The following PRKACB variants were observed in gnomAD, a reference collection of about 807,000 sequenced individuals.
PRKACB encodes the protein cAMP-dependent protein kinase catalytic subunit beta.
In PRKACB, 16 loss-of-function variants were observed where a neutral mutation model predicts 51.4. The ratio of observed to expected loss-of-function variants is 0.31; its 90% CI spans 0.21 to 0.47. The LOEUF is 0.47. Ranked by LOEUF, PRKACB falls within the 20% of genes least tolerant of loss-of-function variation. The probability of loss-of-function intolerance (pLI) is 1.00; values close to 1 mark genes in which losing one functional copy is unlikely to be tolerated. For missense variants in PRKACB, 309 were observed against 464.5 expected (o/e 0.67, Z 3.08); for synonymous variants, 147 against 154.4 (o/e 0.95, Z 0.35).
intron 8 of PRKACB, among the ~76,000 whole-genome samples, chr1:84,211,127 T>TCACACA (rs3051185): frequency 1.1e-4 from 16 of 148,832 alleles, no homozygotes; most frequent in African/African-American, 3.0e-4. Flanking sequence ...CACTCCACTG[T>TCACACA]CACACACACA....
chr1:84,226,267 GT>G (rs199877646), intron 9 of PRKACB, among the ~76,000 whole-genome samples: 2 of 80,212 alleles, frequency 2.5e-5, no homozygotes, highest in African/African-American at 6.0e-5. Flanking sequence ...TGGTTTGTGG[GT>G]TTTTTGTTTT....
At chr1:84,199,077 GTATATATATGCGTATATATGCATATA>G (rs1447743032) in intron 7 of PRKACB, among the ~76,000 whole-genome samples, 1 of 48,848 alleles carries the variant, frequency 2.0e-5, no homozygotes, top group Non-Finnish European at 7.7e-5. Context: ...ATGCATATAT[GTATATATATGCGTATATATGCATATA>G]TGTATATATA....
chr1:84,118,894 A>C lies in PRKACB; in HGVS notation c.46+40523A>C, dbSNP rs533122692. 2.6e-5 allele frequency among the ~76,000 whole-genome samples: 4 copies of C among 152,292 alleles called. No individual in the cohort carries two copies. In the South Asian group the frequency reaches 8.3e-4, roughly 32 times the overall value. On this transcript the variant is annotated intron_variant, in intron 1 of 8. Transcript: ENST00000370688. ...TGACATATGTATCAAAAGTAGGATA[A>C]TCTAAGAAATACTCTTGTTTTTGGA...
chr1:84,078,444 G>T, intron 1 of PRKACB: 1 of 1,556,766 alleles, frequency 6.4e-7, no homozygotes. Context: ...CCGGGTCGCA[G>T]CTTCTGAGGC....
intron 1 of PRKACB, among the ~76,000 whole-genome samples, chr1:84,110,269 GC>G (rs1170489698): frequency 7.2e-5 from 11 of 151,794 alleles, no homozygotes; most frequent in African/African-American, 2.7e-4. Flanking sequence ...TATTTACATA[GC>G]ATTTACAGTG....
chr1:84,218,243 T>C (rs994748058), intron 9 of PRKACB, among the ~76,000 whole-genome samples: 2 of 152,224 alleles, frequency 1.3e-5, no homozygotes, highest in African/African-American at 4.8e-5. Context: ...TATGAAATGC[T>C]AGAACTTATT....
At chr1:84,152,816 T>C (rs181178898) in intron 1 of PRKACB, among the ~76,000 whole-genome samples, 96 of 152,350 alleles carry the variant, frequency 6.3e-4, no homozygotes, top group African/African-American at 2.2e-3. Flanking sequence ...CTGTTTTGCC[T>C]TCTTATCATT....
chr1:84,146,312 C>A (rs1333499244), intron 1 of PRKACB, among the ~76,000 whole-genome samples: 3 of 151,696 alleles, frequency 2.0e-5, no homozygotes, highest in African/African-American at 7.3e-5. Flanking sequence ...CTTTTTATAT[C>A]CCTGAATACC....
At chr1:84,126,864 T>A (rs574757982) in intron 1 of PRKACB, among the ~76,000 whole-genome samples, 10 of 152,236 alleles carry the variant, frequency 6.6e-5, no homozygotes, top group Non-Finnish European at 1.2e-4. Context: ...AAAATATATA[T>A]GAAATCTGTC....
At chr1:84,200,780 G>A (rs1669873443) in intron 7 of PRKACB, among the ~76,000 whole-genome samples, 1 of 152,130 alleles carries the variant, frequency 6.6e-6, no homozygotes, top group Non-Finnish European at 1.5e-5. Flanking sequence ...CTTTGTCAAA[G>A]ATCGGGTGGT....
At chr1:84,208,564 AC>A (rs938512421) in intron 8 of PRKACB, among the ~76,000 whole-genome samples, 4 of 152,216 alleles carry the variant, frequency 2.6e-5, no homozygotes, top group African/African-American at 9.6e-5. Context: ...AACTTCCTAT[AC>A]TTTCCCAATG....
intron 1 of PRKACB, among the ~76,000 whole-genome samples, chr1:84,082,848 A>G (rs946303614): frequency 1.3e-5 from 2 of 152,176 alleles, no homozygotes; most frequent in Middle Eastern, 3.2e-3. Context: ...AGAAATGCCA[A>G]CCCATCTTTC....
intron 1 of PRKACB, among the ~76,000 whole-genome samples, chr1:84,093,389 T>C (rs1257226385): frequency 6.6e-6 from 1 of 152,040 alleles, no homozygotes; most frequent in African/African-American, 2.4e-5. Flanking sequence ...AAAGAAATTG[T>C]CCCTTCCCCA....
rs567538995 is a variant in PRKACB at position 84,205,264 on chromosome 1, A to G, written c.906+2459A>G. ...TATGTGAAGTTAGATTGTATTAACC[A>G]TTTCCCAATAAATCATCTGTTTCAA... On this transcript the variant is annotated intron_variant, in intron 8 of 9. Coordinates refer to ENST00000370685, the MANE Select transcript of PRKACB (RefSeq NM_182948.4). 2.2e-5 allele frequency: 22 copies of G among 983,904 alleles called. No individual in the cohort carries two copies. In the South Asian group the frequency reaches 8.9e-4, roughly 40 times the overall value. 60.9% of individuals were successfully genotyped at this position (983,904 alleles called of 1,614,324 possible).
At chr1:84,175,930 G>A in intron 1 of PRKACB, 1 of 697,634 alleles carries the variant, frequency 1.4e-6, no homozygotes, top group East Asian at 3.2e-5. Context: ...CCTCTTTTTT[G>A]TAGTATCTAC....
intron 8 of PRKACB, among the ~76,000 whole-genome samples, chr1:84,208,262 G>A (rs975324317): frequency 6.6e-6 from 1 of 152,164 alleles, no homozygotes; most frequent in African/African-American, 2.4e-5. Context: ...GAAGATAATA[G>A]TTATTTCTAA....
chr1:84,141,235 G>A (rs140791889), upstream of PRKACB, among the ~76,000 whole-genome samples: 15 of 152,088 alleles, frequency 9.9e-5, no homozygotes, highest in Admixed American at 2.0e-4. Context: ...GGTGCATGGC[G>A]AGACATTTAG....
intron 1 of PRKACB, among the ~76,000 whole-genome samples, chr1:84,084,454 T>C (rs2100747549): frequency 6.6e-6 from 1 of 152,134 alleles, no homozygotes; most frequent in East Asian, 1.9e-4. Context: ...GAGAGAAACA[T>C]GATACAATTT....
intron 1 of PRKACB, among the ~76,000 whole-genome samples, chr1:84,110,568 T>C (rs964740697): frequency 7.2e-5 from 11 of 152,064 alleles, no homozygotes; most frequent in African/African-American, 2.6e-4. Context: ...CCTCAAATCC[T>C]CTGAGGCTGA....
Sources: gnomAD v4.1 joint callset for allele counts (sites outside exome capture counted in the v4.1 genomes callset) on GRCh38, gnomAD v4.1.1 for gene constraint, MANE v1.5 for transcripts, NCBI Gene and HGNC (gene_info 2026-07-23, HGNC 2026-07-21) for gene names.